Variants in EBPL observed in about 807,000 individuals in gnomAD.
EBPL encodes EBP like, also known as emopamil-binding protein-like.
EBPL carries 20 observed loss-of-function variants against 19.0 expected under a neutral mutation model. That is an observed-to-expected ratio of 1.05 (90% CI 0.74 to 1.53). The LOEUF (loss-of-function observed/expected upper bound fraction) is 1.53. Ranked by LOEUF, EBPL falls within the 40% of genes most tolerant of loss-of-function variation. The pLI is 0.00. For synonymous variants in EBPL, 107 were observed against 117.0 expected (o/e 0.91, Z 0.55); for missense variants, 219 against 261.1 (o/e 0.84, Z 1.11).
Position 49,691,249 on chromosome 13 carries a change from C to T in EBPL, c.171+5G>A. The T allele has an allele frequency of 7.2e-7, 1 of 1,383,428 alleles. No homozygotes were observed. Among genetic ancestry groups the T allele is most frequent in the Non-Finnish European group, 9.4e-7 (1 of 1,066,858 alleles). The allele number at this position is 1,383,428 out of a possible 1,614,324, so 85.7% of individuals were successfully genotyped here. A position where few individuals can be genotyped will look rare whatever the true frequency, so the allele number is the denominator to read the frequency against. On this transcript the variant is annotated splice_donor_5th_base_variant and intron_variant, in intron 1 of 3. Transcript: ENST00000242827. ...GGAGTGCAGGGTCTAGGCGATGGCA[C>T]TTACCAGCGCGAAGTGCACCAGCGC...
At chr13:49,666,476 C>T (rs1013963069) in intron 2 of EBPL, among the ~76,000 whole-genome samples, 6 of 151,810 alleles carry the variant, frequency 4.0e-5, no homozygotes, top group East Asian at 3.9e-4. Flanking sequence ...TTTGAGAGGC[C>T]GAGGCGGGTG....
At chr13:49,678,310 CGCCAGTCCT>C (rs1953900375) in intron 1 of EBPL, among the ~76,000 whole-genome samples, 4 of 152,230 alleles carry the variant, frequency 2.6e-5, no homozygotes, top group Admixed American at 2.6e-4. Flanking sequence ...CAGAGCTACC[CGCCAGTCCT>C]GCGCCGCGCG....
Position 49,663,047 on chromosome 13 carries a change from G to A in EBPL, c.380+10C>T, listed in dbSNP as rs1422380840. On this transcript the variant is annotated intron_variant, in intron 3 of 3. Transcript: ENST00000242827. ...CCCTCCTTCCAGCAGGACAGAAGAA[G>A]GGCACCTACCGGTAATATTTTTCTT... 1 of 1,613,286 alleles carries A rather than the reference G, an allele frequency of 6.2e-7. No homozygotes were observed. Among genetic ancestry groups the A allele is most frequent in the African/African-American group, 1.3e-5 (1 of 75,024 alleles).
chr13:49,678,332 G>A (rs1307255731), intron 1 of EBPL, among the ~76,000 whole-genome samples: 8 of 152,338 alleles, frequency 5.3e-5, no homozygotes, highest in East Asian at 1.9e-4. Flanking sequence ...GCCGCGCGCC[G>A]GCACTCCTCA....
chr13:49,664,068 A>G (rs1424975833), intron 2 of EBPL, among the ~76,000 whole-genome samples: 1 of 152,244 alleles, frequency 6.6e-6, no homozygotes, highest in Non-Finnish European at 1.5e-5. Context: ...CTCAGCCAAC[A>G]TGGCGAAACC....
At position 49,669,914 on chromosome 13, in the gene EBPL, A is replaced by C; in HGVS notation, c.172-68T>G. The C allele has an allele frequency of 2.4e-6, 3 of 1,237,684 alleles. No individual in the cohort carries two copies. The South Asian group carries it at 3.7e-5, about 15-fold the overall frequency. The allele number at this position is 1,237,684 out of a possible 1,614,324, so 76.7% of individuals were successfully genotyped here. ...AACCACAGGATGGCACTGTAGACAC[A>C]TGGCATTGCCTGGCTCCATCCCCCA... On this transcript the variant is annotated intron_variant, in intron 1 of 3. Transcript: ENST00000242827.
At chr13:49,675,042 C>G (rs1953861450) in intron 1 of EBPL, among the ~76,000 whole-genome samples, 1 of 152,130 alleles carries the variant, frequency 6.6e-6, no homozygotes, top group Admixed American at 6.5e-5. Context: ...TTTTAGGTAC[C>G]TCGTGTAAGT....
At chr13:49,665,179 C>T (rs539765807) in intron 2 of EBPL, among the ~76,000 whole-genome samples, 3 of 148,476 alleles carry the variant, frequency 2.0e-5, no homozygotes, top group South Asian at 2.2e-4. Context: ...GGCATGATCT[C>T]GGCTCACTGC....
intron 1 of EBPL, among the ~76,000 whole-genome samples, chr13:49,679,428 T>G (rs1173772122): frequency 6.6e-6 from 1 of 152,220 alleles, no homozygotes; most frequent in Non-Finnish European, 1.5e-5. Context: ...ATGCAGGATG[T>G]TGCTGTAATT....
chr13:49,686,601 A>T, intron 1 of EBPL: 1 of 1,288,948 alleles, frequency 7.8e-7, no homozygotes, highest in Non-Finnish European at 1.0e-6. Flanking sequence ...CTCTCCTAGG[A>T]TAGATATTTT....
intron 1 of EBPL, among the ~76,000 whole-genome samples, chr13:49,670,123 G>C (rs1953795647): frequency 6.6e-6 from 1 of 152,180 alleles, no homozygotes; most frequent in Admixed American, 6.5e-5. Flanking sequence ...TGTGGAAAAA[G>C]TGAAATTTTT....
chr13:49,678,731 T>G (rs1421249512), intron 1 of EBPL, among the ~76,000 whole-genome samples: 1 of 151,916 alleles, frequency 6.6e-6, no homozygotes, highest in African/African-American at 2.4e-5. Context: ...GCTCCCACAG[T>G]GCAGCCGCGG....
At chr13:49,669,029 G>A (rs909583674) in intron 2 of EBPL, among the ~76,000 whole-genome samples, 8 of 151,224 alleles carry the variant, frequency 5.3e-5, no homozygotes, top group African/African-American at 1.5e-4. Context: ...ACAGGGGCCC[G>A]CCACCACGCC....
At chr13:49,678,058 A>T (rs1953896841) in intron 1 of EBPL, among the ~76,000 whole-genome samples, 1 of 152,118 alleles carries the variant, frequency 6.6e-6, no homozygotes, top group African/African-American at 2.4e-5. Context: ...TGGCTTGGGC[A>T]GCCTGCTTTT....
At chr13:49,686,751 T>G (rs1317614183) in intron 1 of EBPL, among the ~76,000 whole-genome samples, 1 of 152,182 alleles carries the variant, frequency 6.6e-6, no homozygotes, top group Non-Finnish European at 1.5e-5. Flanking sequence ...GCCCTGACTC[T>G]GTCTCTCCAA....
Position 49,679,693 on chromosome 13 carries a change from C to T in EBPL, c.172-9847G>A, listed in dbSNP as rs534219679. Among the ~76,000 whole-genome samples, 5 of 151,934 alleles carry T rather than the reference C, an allele frequency of 3.3e-5. No individual in the cohort carries two copies. In the South Asian group the frequency reaches 8.3e-4, roughly 25 times the overall value. On this transcript the variant is annotated intron_variant, in intron 1 of 3. Transcript: ENST00000242827. ...ATTTTTCTTTTTTTAATTGTAGAGA[C>T]GGGGTCTCGTTATGTGGTTGAGGTT... is the stretch of plus-strand genomic sequence containing the variant.
At chr13:49,672,234 A>G (rs557992991) in intron 1 of EBPL, among the ~76,000 whole-genome samples, 2 of 152,338 alleles carry the variant, frequency 1.3e-5, no homozygotes, top group South Asian at 4.1e-4. Context: ...ATTACTTATA[A>G]AGAAGGATGC....
chr13:49,673,335 A>T (rs1169660196), intron 1 of EBPL, among the ~76,000 whole-genome samples: 2 of 152,240 alleles, frequency 1.3e-5, no homozygotes, highest in African/African-American at 4.8e-5. Flanking sequence ...ATACAAAAAC[A>T]ACTACACGAA....
At chr13:49,677,984 T>C (rs553338566) in intron 1 of EBPL, among the ~76,000 whole-genome samples, 13 of 151,798 alleles carry the variant, frequency 8.6e-5, no homozygotes, top group Non-Finnish European at 1.5e-4. Context: ...GCAAAATTTA[T>C]TGCAAAGAGC....
Sources: allele counts gnomAD v4.1 joint callset (sites outside exome capture counted in the v4.1 genomes callset), GRCh38; gene constraint gnomAD v4.1.1; transcripts MANE v1.5; gene names NCBI Gene and HGNC (gene_info 2026-07-23, HGNC 2026-07-21).